The following PPP2R5C variants were observed in gnomAD, a reference collection of about 807,000 sequenced individuals.
The protein encoded by PPP2R5C is serine/threonine-protein phosphatase 2A 56 kDa regulatory subunit gamma isoform.
A neutral mutation model predicts 68.9 loss-of-function variants in PPP2R5C; 7 were observed. That is an observed-to-expected ratio of 0.10 (90% CI 0.06 to 0.19). PPP2R5C has a LOEUF of 0.19. Among genes scored for constraint, PPP2R5C ranks in the 10% least tolerant of loss-of-function variants. PPP2R5C has a pLI of 1.00. For missense variants in PPP2R5C, 348 were observed against 641.3 expected, an observed-to-expected ratio of 0.54 and a Z score of 4.94; for synonymous variants, 210 against 222.2, an observed-to-expected ratio of 0.95 and a Z score of 0.49.
intron 1 of PPP2R5C, among the ~76,000 whole-genome samples, chr14:101,762,512 G>A (rs2036606745): frequency 6.6e-6 from 1 of 152,158 alleles, no homozygotes; most frequent in African/African-American, 2.4e-5. Flanking sequence ...TGCATTCGGG[G>A]GGGCGGGTAT....
chr14:101,797,684 A>AG lies in PPP2R5C; in HGVS notation c.259+11501_259+11502insG, dbSNP rs2038679294. On this transcript the variant is annotated intron_variant, in intron 3 of 14. Coordinates refer to the PPP2R5C transcript ENST00000328724. This position sits in a 1 kb window ranked among gnomAD's most constrained non-coding sequence, Gnocchi z 4.2. ...GCAAGTTGGCAAGTTAAAAAAAAAA[A>AG]CAATCAGCATGAAAGCACTCCGATG... 1 of 179,372 alleles carries AG rather than the reference A, an allele frequency of 5.6e-6. No homozygotes were observed. The allele number at this position is 179,372 out of a possible 1,614,324, so 11.1% of individuals were successfully genotyped here.
At chr14:101,784,166 T>C (rs1364892646) in intron 2 of PPP2R5C, among the ~76,000 whole-genome samples, 2 of 152,206 alleles carry the variant, frequency 1.3e-5, no homozygotes, top group East Asian at 3.8e-4. Context: ...GACAGCTCTT[T>C]CCAGGCATTC....
At chr14:101,819,296 C>G (rs2039905290) in intron 1 of PPP2R5C, 2 of 468,770 alleles carry the variant, frequency 4.3e-6, no homozygotes, top group Non-Finnish European at 7.7e-6. Flanking sequence ...GCCTGTGGCC[C>G]CTGGGGTCAC....
chr14:101,841,512 G>A (rs1366213579), intron 1 of PPP2R5C, among the ~76,000 whole-genome samples: 3 of 152,166 alleles, frequency 2.0e-5, no homozygotes, highest in Admixed American at 1.3e-4. Context: ...ACACGGGGCC[G>A]GCTCGTTCCG....
rs1566875325 is a variant in PPP2R5C, at chr14:101,825,249, T to TGTGTGTGTGTGTG, written c.94+15213_94+15214insGTGTGTGTGTGTG. Among the ~76,000 whole-genome samples, 2 of 139,514 alleles carry TGTGTGTGTGTGTG rather than the reference T, an allele frequency of 1.4e-5. No individual in the cohort carries two copies. Among genetic ancestry groups the TGTGTGTGTGTGTG allele is most frequent in the African/African-American group, 2.6e-5 (1 of 38,564 alleles). 91.5% of individuals were successfully genotyped at this position (139,514 alleles called of 152,430 possible). A position where few individuals can be genotyped will look rare whatever the true frequency, so the allele number is the denominator to read the frequency against. ...GTGTGTGTGTGTGTGTGTGTGTGTG[T>TGTGTGTGTGTGTG]TGATGAATTTATTACTTATTAAAAA... On this transcript the variant is annotated intron_variant, in intron 1 of 13. Coordinates refer to ENST00000334743, the Ensembl canonical transcript of PPP2R5C. The surrounding 1 kb of genome is among the most constrained non-coding windows in gnomAD (Gnocchi z 4.0).
intron 2 of PPP2R5C, among the ~76,000 whole-genome samples, chr14:101,776,382 A>G (rs2037423869): frequency 6.6e-6 from 1 of 152,074 alleles, no homozygotes; most frequent in African/African-American, 2.4e-5. Context: ...GCTAAACAGT[A>G]TCATACCTTT....
chr14:101,925,073 C>T, intron 13 of PPP2R5C, 68 bp from the exon 16 acceptor site: 3 of 1,570,208 alleles, frequency 1.9e-6, no homozygotes, highest in Non-Finnish European at 2.6e-6. Context: ...TTGACTTCCA[C>T]CTCAGAAGTA....
At chr14:101,794,383 G>T (rs185172266) in intron 3 of PPP2R5C, among the ~76,000 whole-genome samples, 8 of 152,178 alleles carry the variant, frequency 5.3e-5, no homozygotes, top group African/African-American at 1.9e-4. Context: ...ATTGCAGAAA[G>T]AAACAGCTGT....
At chr14:101,804,839 A>G (rs576846307) in intron 3 of PPP2R5C, among the ~76,000 whole-genome samples, 90 of 152,334 alleles carry the variant, frequency 5.9e-4, no homozygotes, top group African/African-American at 2.0e-3. Flanking sequence ...TTAATTGTAC[A>G]TTTTAAAATA....
intron 2 of PPP2R5C, chr14:101,765,852 G>T (rs1303314383): frequency 6.6e-6 from 1 of 150,848 alleles, no homozygotes; most frequent in Non-Finnish European, 1.5e-5. Context: ...ATCCCAAAGT[G>T]CTGGGATTAC....
intron 1 of PPP2R5C, among the ~76,000 whole-genome samples, chr14:101,831,050 C>G (rs1348442838): frequency 6.6e-6 from 1 of 152,152 alleles, no homozygotes. Flanking sequence ...ACTAACAACC[C>G]ATGTGCAAAT....
At chr14:101,795,185 A>C (rs1384997210) in intron 3 of PPP2R5C, among the ~76,000 whole-genome samples, 1 of 152,136 alleles carries the variant, frequency 6.6e-6, no homozygotes, top group East Asian at 1.9e-4. Context: ...ACATCTTTGA[A>C]CCTTTCCTTA....
intron 1 of PPP2R5C, chr14:101,836,421 T>A: frequency 1.4e-6 from 1 of 700,880 alleles, no homozygotes. Flanking sequence ...GCTGCTAGAA[T>A]CACACACACT....
At chr14:101,868,936 G>A (rs1207863393) in intron 2 of PPP2R5C, among the ~76,000 whole-genome samples, 1 of 150,900 alleles carries the variant, frequency 6.6e-6, no homozygotes, top group Admixed American at 6.6e-5. Context: ...GTTTGTTTTT[G>A]AGACGGAGTC....
chr14:101,916,062 G>T lies in PPP2R5C; in HGVS notation c.1327-1769G>T, dbSNP rs1436096437. On this transcript the variant is annotated intron_variant, in intron 12 of 13. Transcript: ENST00000334743. The surrounding 1 kb of genome is among the most constrained non-coding windows in gnomAD (Gnocchi z 5.5). ...CCGGTGCGATCTGCTGAGAGGTGAGGGTGGAGAGGGAGCAGAATTCCCCCA... is the reference window on the plus strand; with the variant it reads ...CCGGTGCGATCTGCTGAGAGGTGAGTGTGGAGAGGGAGCAGAATTCCCCCA... Among the ~76,000 whole-genome samples the T allele has an allele frequency of 6.6e-6, 1 of 152,164 alleles. No homozygotes were observed. Among genetic ancestry groups the T allele is most frequent in the Admixed American group, 6.5e-5 (1 of 15,276 alleles).
At chr14:101,824,343 G>C (rs567866840) in intron 1 of PPP2R5C, 9 of 380,796 alleles carry the variant, frequency 2.4e-5, no homozygotes, top group South Asian at 2.0e-4. Context: ...ATTTGTCTAC[G>C]GGGAAACAGT....
chr14:101,917,976 C>A lies in PPP2R5C; in HGVS notation c.1443+29C>A. 3 of 1,613,206 alleles carry A rather than the reference C, an allele frequency of 1.9e-6. No homozygotes were observed. The highest frequency in any genetic ancestry group is 2.5e-6 in the Non-Finnish European group (3 of 1,179,432). ...AAAGTGCACCGAGCTCAGCTGGGCA[C>A]CCATGACTGATTTGCTTAAGAAATG... On this transcript the variant is annotated intron_variant, in intron 13 of 13. Coordinates refer to ENST00000334743, the Ensembl canonical transcript of PPP2R5C. The surrounding 1 kb of genome is among the most constrained non-coding windows in gnomAD (Gnocchi z 4.4).
At chr14:101,874,469 A>G (rs968096783) in intron 2 of PPP2R5C, among the ~76,000 whole-genome samples, 12 of 152,268 alleles carry the variant, frequency 7.9e-5, no homozygotes, top group Non-Finnish European at 1.3e-4. Flanking sequence ...TCTTTGGCCC[A>G]GAGTAAATAA....
chr14:101,908,457 T>C (rs1210925773), intron 10 of PPP2R5C, among the ~76,000 whole-genome samples: 1 of 152,194 alleles, frequency 6.6e-6, no homozygotes, highest in Non-Finnish European at 1.5e-5. Context: ...CACTGCAGCC[T>C]CCACCTCCCA....
Sources: gnomAD v4.1 joint callset for allele counts (sites outside exome capture counted in the v4.1 genomes callset) on GRCh38, gnomAD v4.1.1 for gene constraint, Gnocchi (gnomAD v3.1) non-coding constraint, MANE v1.5 for transcripts, NCBI Gene and HGNC (gene_info 2026-07-23, HGNC 2026-07-21) for gene names.